RASGRP1: variants seen among roughly 807,000 people sequenced by gnomAD.
RASGRP1 encodes RAS guanyl-releasing protein 1.
In RASGRP1, 37 loss-of-function variants were observed where a neutral mutation model predicts 95.1. The observed-to-expected ratio is 0.39, with a 90% confidence interval of 0.30 to 0.51. The LOEUF is 0.51. RASGRP1 is among the 20% of genes least tolerant of loss of function. The pLI, the probability that RASGRP1 is intolerant of heterozygous loss-of-function variation, is 0.80. For missense variants in RASGRP1, 711 were observed against 965.4 expected (o/e 0.74, Z 3.49); for synonymous variants, 325 against 353.4 (o/e 0.92, Z 0.90).
Position 38,526,321 on chromosome 15 carries a change from G to C in RASGRP1, c.304C>G (p.Leu102Val), listed in dbSNP as rs1409501768. The C allele has an allele frequency of 1.9e-6, 3 of 1,613,182 alleles. No homozygotes were observed. The highest frequency in any genetic ancestry group is 1.1e-5 in the South Asian group (1 of 91,060). The change falls in exon 3 of 17, where the codon CTG becomes GTG. Residue 102 changes from leucine (L) to valine (V), a missense_variant. By Grantham distance (32) the Leu-to-Val change is conservative (BLOSUM62 1). This residue lies in a region of RASGRP1 where 491 missense variants were observed against 676.6 expected (regional missense o/e 0.73). Transcript: ENST00000310803. ...TATAGGGTGATAACTTTTTGGAGCA[G>C]TTCTGCAGAGGAGATGACAATTCGG... ...MHRIVISSAE[L>V]LQKVITLYKD...
chr15:38,511,741 G>A (rs1163771158), intron 7 of RASGRP1, 21 bp from the exon 8 acceptor site: 1 of 1,561,478 alleles, frequency 6.4e-7, no homozygotes, highest in African/African-American at 1.4e-5. Flanking sequence ...GAAGACAGAT[G>A]ACAGCAGAGT....
chr15:38,545,519 C>G (rs1321047882), intron 2 of RASGRP1, among the ~76,000 whole-genome samples: 4 of 151,340 alleles, frequency 2.6e-5, no homozygotes, highest in Non-Finnish European at 4.4e-5. Context: ...AAATCTGAAC[C>G]AAAGTTCTTC....
chr15:38,507,108 C>T (rs139499973), intron 9 of RASGRP1, among the ~76,000 whole-genome samples: 193 of 152,252 alleles, frequency 1.3e-3, no homozygotes, highest in African/African-American at 4.5e-3. Context: ...GAGACTAATT[C>T]GTTTGAGGAG....
intron 3 of RASGRP1, chr15:38,524,250 G>T (rs1314517558): frequency 6.6e-6 from 1 of 152,176 alleles, no homozygotes; most frequent in Non-Finnish European, 1.5e-5. Flanking sequence ...AAAAGGAAAG[G>T]TTTAAGTTAG....
At chr15:38,533,162 AG>A (rs1226049236) in intron 2 of RASGRP1, among the ~76,000 whole-genome samples, 1 of 152,202 alleles carries the variant, frequency 6.6e-6, no homozygotes, top group Non-Finnish European at 1.5e-5. Flanking sequence ...TATGAAGGAT[AG>A]GCAAGCTGTC....
chr15:38,558,790 G>GT (rs1338548927), intron 2 of RASGRP1, among the ~76,000 whole-genome samples: 1 of 152,222 alleles, frequency 6.6e-6, no homozygotes, highest in African/African-American at 2.4e-5. Context: ...AACATGTCAA[G>GT]TATTTCCCAA....
intron 1 of RASGRP1, chr15:38,560,283 C>T (rs1893751696): frequency 2.2e-6 from 1 of 462,556 alleles, no homozygotes; most frequent in African/African-American, 2.0e-5. Context: ...AGGGGAATGG[C>T]AGAGGCAAGA....
At chr15:38,538,681 G>T (rs1280679378) in intron 2 of RASGRP1, among the ~76,000 whole-genome samples, 6 of 152,198 alleles carry the variant, frequency 3.9e-5, no homozygotes, top group Non-Finnish European at 7.3e-5. Context: ...AACCCAGGCT[G>T]CCTGGCTCTG....
intron 3 of RASGRP1, 29 bp from the exon 4 acceptor site, chr15:38,519,400 C>T (rs374904488): frequency 2.2e-4 from 324 of 1,475,030 alleles, no homozygotes; most frequent in Non-Finnish European, 2.8e-4. Flanking sequence ...GAAATGGAGA[C>T]CTCTGTTACA....
chr15:38,522,925 A>G (rs960790852), intron 3 of RASGRP1, among the ~76,000 whole-genome samples: 4 of 152,308 alleles, frequency 2.6e-5, no homozygotes, highest in Non-Finnish European at 4.4e-5. Flanking sequence ...GGTAGCTACC[A>G]TGAGACGGGG....
intron 4 of RASGRP1, among the ~76,000 whole-genome samples, 184 bp from the exon 5 acceptor site, chr15:38,518,607 A>C (rs1353054117): frequency 6.6e-6 from 1 of 152,170 alleles, no homozygotes; most frequent in Non-Finnish European, 1.5e-5. Flanking sequence ...TCCACTGAAA[A>C]TCTTCTGTCC....
chr15:38,514,922 G>C (rs1037844241), intron 6 of RASGRP1, among the ~76,000 whole-genome samples: 8 of 152,136 alleles, frequency 5.3e-5, no homozygotes, highest in Admixed American at 5.2e-4. Flanking sequence ...CTGTGACGGG[G>C]AGGCACTGCC....
At chr15:38,553,109 G>T (rs181481641) in intron 2 of RASGRP1, among the ~76,000 whole-genome samples, 60 of 152,206 alleles carry the variant, frequency 3.9e-4, no homozygotes, top group Admixed American at 2.7e-3. Context: ...GGCATGCCCA[G>T]GAAGCTGGCT....
At chr15:38,501,504 G>T (rs1891021209) in intron 12 of RASGRP1, 3 of 690,996 alleles carry the variant, frequency 4.3e-6, no homozygotes, top group East Asian at 5.8e-5. Context: ...TTTCCACAGA[G>T]GTGTTCTTTG....
intron 15 of RASGRP1, among the ~76,000 whole-genome samples, chr15:38,497,418 G>A (rs940771684): frequency 2.7e-5 from 4 of 149,026 alleles, no homozygotes; most frequent in Non-Finnish European, 1.5e-5. Context: ...TATCCCAATA[G>A]TACTAAAGCT....
At chr15:38,504,543 T>TTGTCC (rs1891177841) in intron 10 of RASGRP1, 1 of 152,182 alleles carries the variant, frequency 6.6e-6, no homozygotes, top group Non-Finnish European at 1.5e-5. Flanking sequence ...ACTCCACATC[T>TTGTCC]TATCCTATTG....
At position 38,518,370 on chromosome 15, in the gene RASGRP1, T is replaced by A. The variant is rs1252672673; in HGVS notation, c.443A>T (p.Asp148Val). 1 of 1,609,080 alleles carries A rather than the reference T, an allele frequency of 6.2e-7. No individual in the cohort carries two copies. Among genetic ancestry groups the A allele is most frequent in the East Asian group, 2.2e-5 (1 of 44,654 alleles). ...CAGTTCCTGAAACTCCTCCATAGTG[T>A]CTGTCAAGCTGGCGTCCATTTTAAA... ...VMFKMDASLTDTMEEFQELVK... is the reference protein window; with the variant it reads ...VMFKMDASLTVTMEEFQELVK... Residue 148 changes from aspartate (D) to valine (V), a missense_variant, in exon 5 of 17, where the codon GAC becomes GTC. By Grantham distance (152) the Asp-to-Val change is radical. Around this residue, in one of 3 missense-constraint regions of RASGRP1, gnomAD observed 491 missense variants for 676.6 expected, o/e 0.73. Transcript: ENST00000310803.
intron 2 of RASGRP1, among the ~76,000 whole-genome samples, chr15:38,542,888 T>C (rs1368098819): frequency 2.1e-5 from 3 of 141,456 alleles, no homozygotes; most frequent in Admixed American, 1.4e-4. Flanking sequence ...TATATACACA[T>C]ATATGTGTAT....
At chr15:38,500,653 G>A (rs959992888) in intron 13 of RASGRP1, among the ~76,000 whole-genome samples, 16 of 151,980 alleles carry the variant, frequency 1.1e-4, no homozygotes, top group African/African-American at 3.9e-4. Flanking sequence ...GCTCTCACTA[G>A]CAGCCTTATG....
Sources: allele counts gnomAD v4.1 joint callset (sites outside exome capture counted in the v4.1 genomes callset), GRCh38; gene constraint gnomAD v4.1.1; regional missense constraint gnomAD v4.1.1; transcripts MANE v1.5; gene names NCBI Gene and HGNC (gene_info 2026-07-23, HGNC 2026-07-21).